SIPA1L2: variants seen among roughly 807,000 people sequenced by gnomAD.
SIPA1L2 encodes the protein signal-induced proliferation-associated 1-like protein 2.
Under a neutral mutation model 163.9 loss-of-function variants are expected in SIPA1L2, and 56 were observed. The ratio of observed to expected loss-of-function variants is 0.34; its 90% CI spans 0.28 to 0.43. SIPA1L2 has a LOEUF of 0.43. SIPA1L2 is among the 20% of genes least tolerant of loss of function. The pLI is 1.00. For synonymous variants in SIPA1L2, 877 were observed against 865.7 expected (o/e 1.01, Z -0.23); for missense variants, 1,974 against 2,193.5 (o/e 0.90, Z 2.00).
chr1:232,402,485 G>A lies in SIPA1L2; in HGVS notation c.4941-12C>T, dbSNP rs750305602. ...ATGGAGAACGCTCCCTAGCAAATAA[G>A]GATAGAATTAGAAAGATTCAAGAGA... On this transcript the variant is annotated splice_polypyrimidine_tract_variant and intron_variant, in intron 21 of 22. Coordinates refer to ENST00000674635, the MANE Select transcript of SIPA1L2 (RefSeq NM_020808.5). 1.2e-6 allele frequency: 2 copies of A among 1,607,154 alleles called. No individual in the cohort carries two copies. Among genetic ancestry groups the A allele is most frequent in the Non-Finnish European group, 1.7e-6 (2 of 1,176,178 alleles).
intron 1 of SIPA1L2, among the ~76,000 whole-genome samples, chr1:232,579,272 A>G (rs1285574397): frequency 2.7e-5 from 4 of 148,636 alleles, no homozygotes; most frequent in Admixed American, 6.8e-5. Flanking sequence ...ATTTGCTAGT[A>G]TCTGGGGAAA....
chr1:232,457,731 C>T (rs1664007465), intron 10 of SIPA1L2, among the ~76,000 whole-genome samples: 1 of 152,152 alleles, frequency 6.6e-6, no homozygotes, highest in African/African-American at 2.4e-5. Context: ...TTAGCCCCTC[C>T]TCTACAGTTT....
intron 3 of SIPA1L2, among the ~76,000 whole-genome samples, chr1:232,502,147 C>G (rs996342636): frequency 6.6e-6 from 1 of 152,162 alleles, no homozygotes; most frequent in African/African-American, 2.4e-5. Context: ...ACGTGCTTAA[C>G]CTTGGGTTAG....
rs188256059 is a variant in SIPA1L2 at position 232,603,563 on chromosome 1, T to C, written c.-319+26306A>G. 3.6e-3 allele frequency among the ~76,000 whole-genome samples: 542 copies of C among 152,126 alleles called. 2 individuals carry two copies. Among genetic ancestry groups the C allele is most frequent in the African/African-American group, 0.012 (505 of 41,484 alleles). ...TGCGGCCTGAGGACAAGCCGTAGGA[T>C]TGGCAATACCAGGACCCACAGAGCC... On this transcript the variant is annotated intron_variant, in intron 1 of 22. Coordinates refer to ENST00000674635, the MANE Select transcript of SIPA1L2 (RefSeq NM_020808.5).
chr1:232,497,276 A>C (rs992924856), intron 3 of SIPA1L2, among the ~76,000 whole-genome samples: 39 of 152,224 alleles, frequency 2.6e-4, no homozygotes, highest in African/African-American at 8.7e-4. Flanking sequence ...CAAAACTCTC[A>C]GAAGTGCACA....
intron 1 of SIPA1L2, among the ~76,000 whole-genome samples, chr1:232,575,329 A>C (rs1048384513): frequency 6.6e-6 from 1 of 152,190 alleles, no homozygotes; most frequent in African/African-American, 2.4e-5. Flanking sequence ...GCATAGCATT[A>C]ACAGCGTTCC....
chr1:232,428,483 A>G lies in SIPA1L2; in HGVS notation c.4338T>C (p.His1446=), dbSNP rs1044414216. The G allele has an allele frequency of 1.2e-6, 2 of 1,601,386 alleles. No homozygotes were observed. The highest frequency in any genetic ancestry group is 2.3e-5 in the South Asian group (2 of 88,580). Residue 1446 remains histidine, a synonymous_variant, in exon 17 of 23, where the codon CAT becomes CAC. Coordinates refer to ENST00000674635, the MANE Select transcript of SIPA1L2 (RefSeq NM_020808.5). ...VVGDAVAETQ[H]VLSKEDFLKL... ...TCAGAAAATCTTCTTTAGACAGAAC[A>G]TGTTGAGTCTCTGCAACAGCATCTC...
chr1:232,468,020 A>C lies in SIPA1L2; in HGVS notation c.2244-2604T>G, dbSNP rs1202872246. Among the ~76,000 whole-genome samples the C allele has an allele frequency of 3.3e-5, 5 of 152,308 alleles. No individual in the cohort carries two copies. In the East Asian group the frequency reaches 7.7e-4, roughly 24 times the overall value. ...AATAAACTGTATTCTTGCACATCTCAAAGTTGTACAAGAAAACCAGCAGAA... is the reference window on the plus strand; with the variant it reads ...AATAAACTGTATTCTTGCACATCTCCAAGTTGTACAAGAAAACCAGCAGAA... On this transcript the variant is annotated intron_variant, in intron 8 of 22. Transcript: ENST00000674635.
At chr1:232,467,391 G>A (rs1157800559) in intron 8 of SIPA1L2, among the ~76,000 whole-genome samples, 1 of 152,120 alleles carries the variant, frequency 6.6e-6, no homozygotes, top group Non-Finnish European at 1.5e-5. Context: ...CACTGCCAGG[G>A]ATCTACATCA....
At chr1:232,525,854 A>T (rs1168525549) in intron 2 of SIPA1L2, among the ~76,000 whole-genome samples, 1 of 152,084 alleles carries the variant, frequency 6.6e-6, no homozygotes, top group East Asian at 1.9e-4. Context: ...TCTAATCACC[A>T]CCTGACACCT....
intron 8 of SIPA1L2, among the ~76,000 whole-genome samples, chr1:232,469,025 C>T (rs943231699): frequency 1.3e-5 from 2 of 152,170 alleles, no homozygotes; most frequent in Non-Finnish European, 2.9e-5. Flanking sequence ...TGGGGGAGGC[C>T]TGACTCCCTC....
rs115423274 is a variant in SIPA1L2 at position 232,622,388 on chromosome 1, T to C, written c.-319+7481A>G. 6.3e-3 allele frequency among the ~76,000 whole-genome samples: 953 copies of C among 152,360 alleles called. 13 individuals are homozygous for C. Among genetic ancestry groups the C allele is most frequent in the African/African-American group, 0.021 (887 of 41,586 alleles). On this transcript the variant is annotated intron_variant, in intron 1 of 22. Transcript: ENST00000674635. ...ATACTGATGGGGTTTTTAAACATCA[T>C]GATTTCCTGTAGAAATGAACCCTGC...
chr1:232,593,167 T>A (rs2102832626), intron 1 of SIPA1L2, among the ~76,000 whole-genome samples: 1 of 152,290 alleles, frequency 6.6e-6, no homozygotes. Context: ...AACATCACAT[T>A]TAAGAAAAAC....
chr1:232,513,909 T>C lies in SIPA1L2; in HGVS notation c.1431A>G (p.Ile477Met), dbSNP rs1238456564. 2 of 1,611,906 alleles carry C rather than the reference T, an allele frequency of 1.2e-6. No homozygotes were observed. The highest frequency in any genetic ancestry group is 1.7e-6 in the Non-Finnish European group (2 of 1,179,206). The change falls in exon 3 of 23, where the codon ATA becomes ATG. Residue 477 changes from isoleucine to methionine, a missense_variant. Transcript: ENST00000674635. Reference sequence around the variant, plus strand: ...AATAGGCCCCAAGGTCAATGTGTTCTATGATGTAGCGCTTCACTTTCTCCC... The same window carrying C: ...AATAGGCCCCAAGGTCAATGTGTTCCATGATGTAGCGCTTCACTTTCTCCC... ...IHREKVKRYI[I>M]EHIDLGAYYY... is the part of the protein sequence containing the mutation.
At chr1:232,424,797 A>G (rs1661789009) in intron 18 of SIPA1L2, among the ~76,000 whole-genome samples, 1 of 152,146 alleles carries the variant, frequency 6.6e-6, no homozygotes, top group African/African-American at 2.4e-5. Flanking sequence ...TGAAGTTCGA[A>G]TTGGTTCTAA....
rs768435977 is a variant in SIPA1L2 at position 232,465,038 on chromosome 1, G to C, written c.2622C>G (p.Leu874=). 2 of 1,614,126 alleles carry C rather than the reference G, an allele frequency of 1.2e-6. No individual in the cohort carries two copies. The highest frequency in any genetic ancestry group is 1.1e-5 in the South Asian group (1 of 91,078). Reference sequence around the variant, plus strand: ...ACATGATGAACTCATTGGAGATCCCGAGAAGACATTCAATGTCAGCAGACT... The same window carrying C: ...ACATGATGAACTCATTGGAGATCCCCAGAAGACATTCAATGTCAGCAGACT... ...FGQSADIECL[L]GISNEFIMLI... is the part of the protein sequence containing the mutation. Residue 874 remains leucine (L), a synonymous_variant, in exon 9 of 23, where the codon CTC becomes CTG. Coordinates refer to ENST00000674635, the MANE Select transcript of SIPA1L2 (RefSeq NM_020808.5). This position sits in a 1 kb window ranked among gnomAD's most constrained non-coding sequence, Gnocchi z 4.1.
At chr1:232,402,545 T>A in intron 21 of SIPA1L2, 72 bp from the exon 22 acceptor site, 1 of 1,325,784 alleles carries the variant, frequency 7.5e-7, no homozygotes, top group Non-Finnish European at 1.1e-6. Flanking sequence ...AAGTTTTCAC[T>A]CGAAAAAATT....
rs770329113 is a variant in SIPA1L2, at chr1:232,425,702, C to T, written c.4517G>A (p.Ser1506Asn). 2 of 1,614,066 alleles carry T rather than the reference C, an allele frequency of 1.2e-6. No individual in the cohort carries two copies. The highest frequency in any genetic ancestry group is 1.7e-6 in the Non-Finnish European group (2 of 1,180,004). ...RRGSSFGSSR[S>N]SVLDQALPND... ...GGGCAGGGCCTGGTCAAGCACGGAACTCCGGGAACTGCCAAAGGAGGACCC... is the reference window on the plus strand; with the variant it reads ...GGGCAGGGCCTGGTCAAGCACGGAATTCCGGGAACTGCCAAAGGAGGACCC... The change falls in exon 18 of 23, where the codon AGT becomes AAT. Residue 1506 changes from serine to asparagine, a missense_variant. Physicochemically the swap from Ser to Asn is conservative, Grantham distance 46. Coordinates refer to ENST00000674635, the MANE Select transcript of SIPA1L2 (RefSeq NM_020808.5).
chr1:232,554,771 C>A (rs959746111), intron 2 of SIPA1L2, among the ~76,000 whole-genome samples: 1 of 152,182 alleles, frequency 6.6e-6, no homozygotes, highest in Non-Finnish European at 1.5e-5. Flanking sequence ...CCCAGGCATT[C>A]CACGGAGTTT....
Sources: gnomAD v4.1 joint callset for allele counts (sites outside exome capture counted in the v4.1 genomes callset) on GRCh38, gnomAD v4.1.1 for gene constraint, Gnocchi (gnomAD v3.1) non-coding constraint, MANE v1.5 for transcripts, NCBI Gene and HGNC (gene_info 2026-07-23, HGNC 2026-07-21) for gene names.